Variants in HSF2BP observed in about 807,000 individuals in gnomAD.
The protein encoded by HSF2BP is heat shock factor 2-binding protein.
HSF2BP carries 35 observed loss-of-function variants against 35.0 expected under a neutral mutation model. The ratio of observed to expected loss-of-function variants is 1.00; its 90% confidence interval spans 0.76 to 1.32. The LOEUF (loss-of-function observed/expected upper bound fraction) is 1.32. HSF2BP is among the 40% of genes most tolerant of loss of function. The pLI, the probability that HSF2BP is intolerant of heterozygous loss-of-function variation, is 0.00. For missense variants in HSF2BP, 326 were observed against 321.7 expected, an observed-to-expected ratio of 1.01 and a Z score of -0.10; for synonymous variants, 114 against 117.4, an observed-to-expected ratio of 0.97 and a Z score of 0.18.
At chr21:43,650,997 C>T (rs370886384) in intron 3 of HSF2BP, among the ~76,000 whole-genome samples, 4 of 152,146 alleles carry the variant, frequency 2.6e-5, no homozygotes, top group African/African-American at 9.7e-5. Context: ...CGTGAGCCAC[C>T]GCACCCGGCC....
At chr21:43,650,427 G>C (rs894840216) in intron 3 of HSF2BP, among the ~76,000 whole-genome samples, 7 of 151,916 alleles carry the variant, frequency 4.6e-5, no homozygotes, top group African/African-American at 1.7e-4. Context: ...GGATGGTCTC[G>C]ATCTCCTGAC....
intron 8 of HSF2BP, among the ~76,000 whole-genome samples, chr21:43,588,357 A>G (rs541361181): frequency 6.6e-6 from 1 of 152,266 alleles, no homozygotes; most frequent in South Asian, 2.1e-4. Context: ...CAGCCTGGGC[A>G]ACAAGAGTGA....
intron 8 of HSF2BP, among the ~76,000 whole-genome samples, chr21:43,581,124 C>T (rs148523886): frequency 0.019 from 2,966 of 152,278 alleles, 115 homozygotes; most frequent in African/African-American, 0.067. Context: ...CAGTGGTTCA[C>T]GCCTGTAATC....
intron 6 of HSF2BP, among the ~76,000 whole-genome samples, chr21:43,621,639 G>A (rs1008683949): frequency 2.0e-5 from 3 of 152,014 alleles, no homozygotes; most frequent in Non-Finnish European, 4.4e-5. Flanking sequence ...ATCCAGCAAA[G>A]CCATCCTTCA....
At chr21:43,637,229 G>C (rs1195023981) in intron 4 of HSF2BP, among the ~76,000 whole-genome samples, 1 of 152,088 alleles carries the variant, frequency 6.6e-6, no homozygotes, top group Non-Finnish European at 1.5e-5. Flanking sequence ...ATATTGTTTT[G>C]CAATAAAAAA....
In HSF2BP at chr21:43,644,301, T is replaced by C. The variant is rs200533753; in HGVS notation, c.279A>G (p.Ile93Met). ...ARLETVQADN[I>M]REKKEKLALR... is the part of the protein sequence containing the mutation. ...CTGAGCATGGTACCTTCTTCTCTCT[T>C]ATGTTGTCGGCCTGCACGGTTTCCA... is the stretch of plus-strand genomic sequence containing the variant. Residue 93 changes from isoleucine (I) to methionine (M), a missense_variant, in exon 4 of 9, where the codon ATA becomes ATG. Physicochemically the swap from Ile to Met is conservative, Grantham distance 10. Transcript: ENST00000291560. 171 of 1,613,770 alleles carry C rather than the reference T, an allele frequency of 1.1e-4. 3 individuals are homozygous for C. In the East Asian group the frequency reaches 3.3e-3, roughly 31 times the overall value.
chr21:43,612,519 CGGGCGCCTGTAGTCCCAGCTACTTG>C (rs1034577262), intron 7 of HSF2BP, among the ~76,000 whole-genome samples: 6 of 152,098 alleles, frequency 3.9e-5, no homozygotes, highest in African/African-American at 1.4e-4. Context: ...GGCGTGGTGG[CGGGCGCCTGTAGTCCCAGCTACTTG>C]GAAGGCTGAG....
chr21:43,642,376 A>T (rs575444937), intron 4 of HSF2BP, among the ~76,000 whole-genome samples: 1 of 152,234 alleles, frequency 6.6e-6, no homozygotes, highest in East Asian at 1.9e-4. Flanking sequence ...ATAAATAAAT[A>T]AATAAAATAA....
chr21:43,651,728 C>T lies in HSF2BP; in HGVS notation c.187+4859G>A, dbSNP rs534578598. On this transcript the variant is annotated intron_variant, in intron 3 of 8. Coordinates refer to ENST00000291560, the MANE Select transcript of HSF2BP (RefSeq NM_007031.2). Reference sequence around the variant, plus strand: ...AAACACTAGCTGATGAACCTGCAATCGGTCCTGCTCAATCCCATGTGTGAC... The same window carrying T: ...AAACACTAGCTGATGAACCTGCAATTGGTCCTGCTCAATCCCATGTGTGAC... 1.7e-4 allele frequency among the ~76,000 whole-genome samples: 26 copies of T among 152,322 alleles called. No homozygotes were observed. The South Asian group carries it at 5.4e-3, about 32-fold the overall frequency.
At chr21:43,615,956 T>G (rs1321439828) in intron 6 of HSF2BP, among the ~76,000 whole-genome samples, 2 of 151,080 alleles carry the variant, frequency 1.3e-5, no homozygotes, top group African/African-American at 2.4e-5. Flanking sequence ...AGACCCATGA[T>G]CAAGATAAAT....
intron 6 of HSF2BP, among the ~76,000 whole-genome samples, chr21:43,622,199 AACTAAAAC>A (rs1220096380): frequency 6.6e-6 from 1 of 152,206 alleles, no homozygotes; most frequent in African/African-American, 2.4e-5. Flanking sequence ...AAAAGCAATG[AACTAAAAC>A]ACACCAGAGA....
intron 7 of HSF2BP, among the ~76,000 whole-genome samples, chr21:43,602,878 G>A (rs967631846): frequency 1.3e-5 from 2 of 152,112 alleles, no homozygotes; most frequent in Admixed American, 6.6e-5. Flanking sequence ...CTCCTCACTC[G>A]GGATGAAGAA....
At chr21:43,653,199 GGGGAA>G (rs894936852) in intron 3 of HSF2BP, among the ~76,000 whole-genome samples, 4 of 16,734 alleles carry the variant, frequency 2.4e-4, no homozygotes, top group African/African-American at 7.1e-4. Flanking sequence ...AGGAAGGGAA[GGGGAA>G]GGGAAGGGAA....
At chr21:43,653,470 T>C (rs1175266245) in intron 3 of HSF2BP, among the ~76,000 whole-genome samples, 3 of 151,826 alleles carry the variant, frequency 2.0e-5, no homozygotes, top group African/African-American at 7.3e-5. Context: ...GAAGGAAGCA[T>C]AGGGTACCAT....
intron 6 of HSF2BP, among the ~76,000 whole-genome samples, chr21:43,623,344 C>T (rs748363047): frequency 3.3e-5 from 5 of 151,856 alleles, no homozygotes; most frequent in Non-Finnish European, 5.9e-5. Flanking sequence ...GCAATAAATG[C>T]CTGTATCAAA....
chr21:43,646,752 CCA>C (rs1368296283), intron 3 of HSF2BP, among the ~76,000 whole-genome samples: 1 of 152,214 alleles, frequency 6.6e-6, no homozygotes, highest in East Asian at 1.9e-4. Flanking sequence ...TCATAGAATT[CCA>C]GTCAGTCATC....
At chr21:43,580,152 T>C (rs1221455267) in intron 8 of HSF2BP, among the ~76,000 whole-genome samples, 1 of 152,220 alleles carries the variant, frequency 6.6e-6, no homozygotes, top group African/African-American at 2.4e-5. Context: ...CCCAAACCCA[T>C]GTCACTAGCA....
chr21:43,640,197 A>G (rs1418159341), intron 4 of HSF2BP, among the ~76,000 whole-genome samples: 2 of 152,170 alleles, frequency 1.3e-5, no homozygotes, highest in African/African-American at 4.8e-5. Context: ...GCTACTTGGG[A>G]GGCTGACATG....
At chr21:43,637,879 C>A (rs937790973) in intron 4 of HSF2BP, among the ~76,000 whole-genome samples, 1 of 151,554 alleles carries the variant, frequency 6.6e-6, no homozygotes, top group Non-Finnish European at 1.5e-5. Context: ...ATTTTATAAA[C>A]GCATCTGCAA....
Sources: allele counts gnomAD v4.1 joint callset (sites outside exome capture counted in the v4.1 genomes callset), GRCh38; gene constraint gnomAD v4.1.1; transcripts MANE v1.5; gene names NCBI Gene and HGNC (gene_info 2026-07-23, HGNC 2026-07-21).